The following ZCCHC14 variants were observed in gnomAD, a reference collection of about 807,000 sequenced individuals.
The protein encoded by ZCCHC14 is zinc finger CCHC domain-containing protein 14.
Under a neutral mutation model 85.0 loss-of-function variants are expected in ZCCHC14, and 16 were observed. The ratio of observed to expected loss-of-function variants is 0.19; its 90% CI spans 0.13 to 0.29. The LOEUF (loss-of-function observed/expected upper bound fraction) is 0.29, where lower values mean the gene tolerates loss of function less well. Ranked by LOEUF, ZCCHC14 falls within the 10% of genes least tolerant of loss-of-function variation. The pLI, the probability that ZCCHC14 is intolerant of heterozygous loss-of-function variation, is 1.00. For synonymous variants in ZCCHC14, 775 were observed against 630.7 expected (o/e 1.23, Z -3.43); for missense variants, 1,303 against 1,443.5 (o/e 0.90, Z 1.58).
chr16:87,450,100 T>C lies in ZCCHC14; in HGVS notation c.694+9908A>G, dbSNP rs1263385976. 2.0e-5 allele frequency among the ~76,000 whole-genome samples: 3 copies of C among 152,292 alleles called. No individual in the cohort carries two copies. In the East Asian group the frequency reaches 5.8e-4, roughly 29 times the overall value. On this transcript the variant is annotated intron_variant, in intron 2 of 12. Transcript: ENST00000671377. Reference sequence around the variant, plus strand: ...GTTTTCCAGCAGACGCCCCTTCTTCTAGGTCATATACAAGACAACCAAATG... The same window carrying C: ...GTTTTCCAGCAGACGCCCCTTCTTCCAGGTCATATACAAGACAACCAAATG...
chr16:87,484,995 C>A (rs537625673), intron 1 of ZCCHC14, among the ~76,000 whole-genome samples: 1 of 152,178 alleles, frequency 6.6e-6, no homozygotes, highest in Non-Finnish European at 1.5e-5. Flanking sequence ...AAAGGAAACA[C>A]AAGAGAAACT....
Position 87,491,714 on chromosome 16 carries a change from C to A in ZCCHC14, c.525G>T (p.Ala175=), listed in dbSNP as rs751254022. 5.9e-6 allele frequency: 9 copies of A among 1,534,920 alleles called. No individual in the cohort carries two copies. Among genetic ancestry groups the A allele is most frequent in the Non-Finnish European group, 7.0e-6 (8 of 1,146,752 alleles). ...NGGGGHGGKG[A]PGPGGALPTC... Reference sequence around the variant, plus strand: ...TGGGCAGCGCGCCGCCCGGCCCGGGCGCGCCCTTGCCGCCGTGGCCCCCGC... The same window carrying A: ...TGGGCAGCGCGCCGCCCGGCCCGGGAGCGCCCTTGCCGCCGTGGCCCCCGC... The change falls in exon 1 of 13, where the codon GCG becomes GCT. Residue 175 remains alanine (A), a synonymous_variant. Transcript: ENST00000671377. The surrounding 1 kb of genome is among the most constrained non-coding windows in gnomAD (Gnocchi z 5.9).
At chr16:87,436,486 GGT>G (rs1909928944) in intron 2 of ZCCHC14, among the ~76,000 whole-genome samples, 1 of 152,232 alleles carries the variant, frequency 6.6e-6, no homozygotes, top group African/African-American at 2.4e-5. Flanking sequence ...GCGGGGGCTG[GGT>G]GACCAGCCTG....
At position 87,423,378 on chromosome 16, in the gene ZCCHC14, T is replaced by C. The variant is rs1300515227; in HGVS notation, c.840+432A>G. ...CAGCCTGGGCGAGAGCAAGATCCAG[T>C]CTCTTAAAAAAATAATAATAAAATA... is the stretch of plus-strand genomic sequence containing the variant. On this transcript the variant is annotated intron_variant, in intron 4 of 12. Transcript: ENST00000671377. Among the ~76,000 whole-genome samples the C allele has an allele frequency of 6.6e-5, 10 of 151,950 alleles. No individual in the cohort carries two copies. The East Asian group carries it at 1.7e-3, about 26-fold the overall frequency.
chr16:87,417,717 G>A lies in ZCCHC14; in HGVS notation c.1126C>T (p.Pro376Ser). ...GRPVCGVAGIPSSQSGAQHHG... is the reference protein window; with the variant it reads ...GRPVCGVAGISSSQSGAQHHG... ...TGCTGGGCTCCGCTCTGCGAGGACG[G>A]GATACCAGCCACTCCACACACAGGC... Residue 376 changes from proline (P) to serine (S), a missense_variant, in exon 8 of 13, where the codon CCG becomes TCG. This residue lies in a region of ZCCHC14 where 389 missense variants were observed against 397.8 expected (regional missense o/e 0.98). Coordinates refer to ENST00000671377, the MANE Select transcript of ZCCHC14 (RefSeq NM_015144.3). 1.9e-6 allele frequency: 3 copies of A among 1,601,850 alleles called. No homozygotes were observed. Among genetic ancestry groups the A allele is most frequent in the Non-Finnish European group, 2.6e-6 (3 of 1,175,608 alleles).
intron 2 of ZCCHC14, among the ~76,000 whole-genome samples, chr16:87,458,356 C>T (rs1353474233): frequency 2.0e-5 from 3 of 152,180 alleles, no homozygotes; most frequent in East Asian, 1.9e-4. Context: ...GTTGGAGCAT[C>T]GCGGCATCAC....
chr16:87,434,505 T>C (rs1393561906), intron 2 of ZCCHC14, among the ~76,000 whole-genome samples: 1 of 152,248 alleles, frequency 6.6e-6, no homozygotes, highest in African/African-American at 2.4e-5. Context: ...CGGGGATGTC[T>C]GCTAATTTGT....
chr16:87,478,203 G>A (rs1006689708), intron 1 of ZCCHC14, among the ~76,000 whole-genome samples: 1 of 152,148 alleles, frequency 6.6e-6, no homozygotes, highest in Non-Finnish European at 1.5e-5. Flanking sequence ...CACACTGCAC[G>A]ACGTGTGGCA....
In ZCCHC14 at chr16:87,410,269, A is replaced by G; in HGVS notation, c.*11T>C. The G allele has an allele frequency of 2.6e-6, 2 of 768,028 alleles. No individual in the cohort carries two copies. The highest frequency in any genetic ancestry group is 4.8e-6 in the Non-Finnish European group (2 of 413,928). The allele number at this position is 768,028 out of a possible 1,614,324, so 47.6% of individuals were successfully genotyped here. On this transcript the variant is annotated 3_prime_UTR_variant, in exon 13 of 13. Coordinates refer to ENST00000671377, the MANE Select transcript of ZCCHC14 (RefSeq NM_015144.3). ...CATGGCTTAATAACGTTCTGTTGCCAGAGAAAAATATCAATCTGTGGAGTC... is the reference window on the plus strand; with the variant it reads ...CATGGCTTAATAACGTTCTGTTGCCGGAGAAAAATATCAATCTGTGGAGTC...
intron 2 of ZCCHC14, among the ~76,000 whole-genome samples, chr16:87,458,511 G>GT (rs1911088442): frequency 6.6e-6 from 1 of 152,162 alleles, no homozygotes; most frequent in African/African-American, 2.4e-5. Flanking sequence ...GCAGTAAGGA[G>GT]TTACTGTCTC....
chr16:87,407,551 C>G lies in ZCCHC14; in HGVS notation c.*2729G>C, dbSNP rs992532134. 1 of 152,158 alleles carries G rather than the reference C, an allele frequency of 6.6e-6. No homozygotes were observed. The highest frequency in any genetic ancestry group is 1.5e-5 in the Non-Finnish European group (1 of 68,024). The allele number at this position is 152,158 out of a possible 1,614,324, so 9.4% of individuals were successfully genotyped here. A position where few individuals can be genotyped will look rare whatever the true frequency, so the allele number is the denominator to read the frequency against. ...AAATAGCTGTTGTATCCAAACATCA[C>G]GTTCTGCTTCCATCTCTACATTCCA... is the stretch of plus-strand genomic sequence containing the variant. On this transcript the variant is annotated 3_prime_UTR_variant, in exon 13 of 13. Coordinates refer to ENST00000671377, the MANE Select transcript of ZCCHC14 (RefSeq NM_015144.3).
chr16:87,420,482 G>T lies in ZCCHC14; in HGVS notation c.950+125C>A. On this transcript the variant is annotated intron_variant, in intron 5 of 12. Transcript: ENST00000671377. This position sits in a 1 kb window ranked among gnomAD's most constrained non-coding sequence, Gnocchi z 5.0. ...ACTAATGGAAATCCCTAGAGGCCAA[G>T]TAGAGACCCAGGTCCAGGTGACCGC... 1 of 687,932 alleles carries T rather than the reference G, an allele frequency of 1.5e-6. No individual in the cohort carries two copies. The highest frequency in any genetic ancestry group is 2.4e-6 in the Non-Finnish European group (1 of 418,484). 42.6% of individuals were successfully genotyped at this position (687,932 alleles called of 1,614,324 possible). A position where few individuals can be genotyped will look rare whatever the true frequency, so the allele number is the denominator to read the frequency against.
chr16:87,489,842 G>A (rs1459691450), intron 1 of ZCCHC14, among the ~76,000 whole-genome samples: 1 of 152,194 alleles, frequency 6.6e-6, no homozygotes, highest in Non-Finnish European at 1.5e-5. Flanking sequence ...TCTGCATAAA[G>A]TGAGGCACCC....
chr16:87,419,874 G>A lies in ZCCHC14; in HGVS notation c.954C>T (p.Tyr318=), dbSNP rs1909001810. 1 of 1,605,916 alleles carries A rather than the reference G, an allele frequency of 6.2e-7. No individual in the cohort carries two copies. The highest frequency in any genetic ancestry group is 8.5e-7 in the Non-Finnish European group (1 of 1,177,606). ...NHVDLDSGLR[Y]LASLPSHVLK... ...ACACGTGAGAAGGTAATGAGGCCAG[G>A]TACCTAAAAGGCAAACAAGTGGTCT... The change falls in exon 6 of 13, where the codon TAC becomes TAT. Residue 318 remains tyrosine (Y), a synonymous_variant. Coordinates refer to ENST00000671377, the MANE Select transcript of ZCCHC14 (RefSeq NM_015144.3).
chr16:87,470,063 T>A (rs1381423577), intron 1 of ZCCHC14, among the ~76,000 whole-genome samples: 1 of 152,032 alleles, frequency 6.6e-6, no homozygotes, highest in Non-Finnish European at 1.5e-5. Context: ...CCAGGAGCAG[T>A]GGTTCACACC....
chr16:87,430,397 C>T (rs1321225089), intron 3 of ZCCHC14, among the ~76,000 whole-genome samples: 1 of 152,232 alleles, frequency 6.6e-6, no homozygotes, highest in Non-Finnish European at 1.5e-5. Flanking sequence ...CTTTTGCTAC[C>T]TCACAGCGTT....
At chr16:87,415,689 T>C (rs536579300) in intron 8 of ZCCHC14, among the ~76,000 whole-genome samples, 23 of 152,310 alleles carry the variant, frequency 1.5e-4, no homozygotes, top group African/African-American at 5.3e-4. Context: ...CCCTCTGCTC[T>C]GTGAGTAAAT....
At chr16:87,433,676 T>G (rs77796068) in intron 2 of ZCCHC14, among the ~76,000 whole-genome samples, 3 of 151,530 alleles carry the variant, frequency 2.0e-5, no homozygotes, top group Admixed American at 2.0e-4. Flanking sequence ...TCTTTTTTCT[T>G]TTTTTTTTGA....
intron 3 of ZCCHC14, among the ~76,000 whole-genome samples, chr16:87,424,685 G>C (rs923879542): frequency 6.6e-6 from 1 of 152,158 alleles, no homozygotes; most frequent in Admixed American, 6.5e-5. Flanking sequence ...CTGACTGAGG[G>C]GGAAGGAGAG....
Sources: gnomAD v4.1 joint callset for allele counts (sites outside exome capture counted in the v4.1 genomes callset) on GRCh38, gnomAD v4.1.1 for gene constraint, gnomAD v4.1.1 regional missense constraint, Gnocchi (gnomAD v3.1) non-coding constraint, MANE v1.5 for transcripts, NCBI Gene and HGNC (gene_info 2026-07-23, HGNC 2026-07-21) for gene names.